Variants in NRXN1 observed in about 807,000 individuals in gnomAD.
The protein encoded by NRXN1 is neurexin 1.
In NRXN1, 39 loss-of-function variants were observed where a neutral mutation model predicts 150.9. The ratio of observed to expected loss-of-function variants is 0.26; its 90% CI spans 0.20 to 0.34. The LOEUF (loss-of-function observed/expected upper bound fraction) is 0.34, where lower values mean the gene tolerates loss of function less well. Among genes scored for constraint, NRXN1 ranks in the 10% least tolerant of loss-of-function variants. NRXN1 has a pLI of 1.00. For synonymous variants in NRXN1, 924 were observed against 757.0 expected (o/e 1.22, Z -3.62); for missense variants, 1,815 against 1,949.9 (o/e 0.93, Z 1.30).
chr2:50,987,284 A>G (rs1261473202), intron 2 of NRXN1, among the ~76,000 whole-genome samples: 3 of 151,966 alleles, frequency 2.0e-5, no homozygotes, highest in African/African-American at 7.2e-5. Flanking sequence ...ATAAAAAAGT[A>G]TTAACAATAA....
intron 22 of NRXN1, among the ~76,000 whole-genome samples, chr2:49,932,197 C>T (rs2104210295): frequency 6.6e-6 from 1 of 152,222 alleles, no homozygotes; most frequent in Middle Eastern, 3.4e-3. Flanking sequence ...AGGAGTATTG[C>T]TTGAAGCCAA....
Position 50,802,947 on chromosome 2 carries a change from G to C in NRXN1, c.832+118922C>G, listed in dbSNP as rs79800061. 7.2e-3 allele frequency among the ~76,000 whole-genome samples: 1,097 copies of C among 152,268 alleles called. 10 individuals are homozygous for C. Among genetic ancestry groups the C allele is most frequent in the African/African-American group, 0.025 (1,040 of 41,566 alleles). ...TTTCTCTGCAGATTTCAGAAGCAGA[G>C]TGACCCTGCCAACATCTTGATTTCA... is the stretch of plus-strand genomic sequence containing the variant. On this transcript the variant is annotated intron_variant, in intron 5 of 22. Coordinates refer to ENST00000401669, the MANE Select transcript of NRXN1 (RefSeq NM_001330078.2).
At chr2:50,095,517 G>A (rs1700100011) in intron 18 of NRXN1, among the ~76,000 whole-genome samples, 1 of 152,064 alleles carries the variant, frequency 6.6e-6, no homozygotes, top group Non-Finnish European at 1.5e-5. Flanking sequence ...TTTCATCAGA[G>A]TATTAATTAT....
chr2:50,495,243 T>C (rs1444298010), intron 15 of NRXN1, among the ~76,000 whole-genome samples: 1 of 152,142 alleles, frequency 6.6e-6, no homozygotes, highest in African/African-American at 2.4e-5. Flanking sequence ...ATTATTGACA[T>C]GTTTTCTCAG....
At position 50,646,689 on chromosome 2, in the gene NRXN1, C is replaced by T. The variant is rs1316040610; in HGVS notation, c.833-23074G>A. 1.3e-4 allele frequency among the ~76,000 whole-genome samples: 19 copies of T among 149,102 alleles called. No homozygotes were observed. In the Admixed American group the frequency reaches 1.3e-3, roughly 10 times the overall value. On this transcript the variant is annotated intron_variant, in intron 5 of 22. Transcript: ENST00000401669. ...CCTCAAACGGTGTAATTTTTCCTGCCTCTGTACTTTCATGTTGTCTTTTTT... is the reference window on the plus strand; with the variant it reads ...CCTCAAACGGTGTAATTTTTCCTGCTTCTGTACTTTCATGTTGTCTTTTTT...
chr2:50,655,758 C>T (rs987209562), intron 5 of NRXN1, among the ~76,000 whole-genome samples: 15 of 151,860 alleles, frequency 9.9e-5, no homozygotes, highest in Admixed American at 3.3e-4. Context: ...ACCACATAAA[C>T]GTAACTAGTG....
chr2:50,860,507 G>A (rs1391131316), intron 5 of NRXN1, among the ~76,000 whole-genome samples: 1 of 152,106 alleles, frequency 6.6e-6, no homozygotes, highest in African/African-American at 2.4e-5. Flanking sequence ...TTTCTGACCA[G>A]GAAAACAACA....
chr2:50,808,274 A>C (rs1433528482), intron 5 of NRXN1, among the ~76,000 whole-genome samples: 2 of 152,158 alleles, frequency 1.3e-5, no homozygotes, highest in African/African-American at 4.8e-5. Flanking sequence ...ATGAAAAATA[A>C]ACCAAATAGC....
chr2:50,305,415 A>G lies in NRXN1; in HGVS notation c.3365-68445T>C, dbSNP rs371046489. Reference sequence around the variant, plus strand: ...TTAATTTTGTAAACATGTTTTTAATATAGTCTTGTAATTCCAATGATGATC... The same window carrying G: ...TTAATTTTGTAAACATGTTTTTAATGTAGTCTTGTAATTCCAATGATGATC... On this transcript the variant is annotated intron_variant, in intron 17 of 22. Coordinates refer to ENST00000401669, the MANE Select transcript of NRXN1 (RefSeq NM_001330078.2). 5.9e-5 allele frequency among the ~76,000 whole-genome samples: 9 copies of G among 152,354 alleles called. No individual in the cohort carries two copies. The East Asian group carries it at 1.5e-3, about 26-fold the overall frequency.
chr2:50,340,244 G>A (rs2077460317), intron 17 of NRXN1, among the ~76,000 whole-genome samples: 1 of 152,186 alleles, frequency 6.6e-6, no homozygotes. Flanking sequence ...TCAAAAGCTT[G>A]AGGGAATGCA....
At chr2:50,163,558 G>C (rs998570899) in intron 18 of NRXN1, among the ~76,000 whole-genome samples, 5 of 152,030 alleles carry the variant, frequency 3.3e-5, no homozygotes, top group Admixed American at 6.6e-5. Flanking sequence ...ATCTGTTTTA[G>C]GTCTTAGCTA....
chr2:50,527,684 G>A (rs1327680384), intron 12 of NRXN1, among the ~76,000 whole-genome samples: 1 of 152,086 alleles, frequency 6.6e-6, no homozygotes, highest in Non-Finnish European at 1.5e-5. Flanking sequence ...ACCTCTATTT[G>A]TTCCTCAGAG....
intron 17 of NRXN1, among the ~76,000 whole-genome samples, chr2:50,426,968 G>C (rs1237470354): frequency 6.6e-6 from 1 of 152,088 alleles, no homozygotes; most frequent in Non-Finnish European, 1.5e-5. Context: ...AGAGATATTT[G>C]GATGTATTTT....
chr2:50,713,403 A>G (rs1196249440), intron 5 of NRXN1, among the ~76,000 whole-genome samples: 2 of 152,138 alleles, frequency 1.3e-5, no homozygotes, highest in African/African-American at 4.8e-5. Context: ...ACACAGGGCA[A>G]ATTTTACCAG....
At chr2:50,290,545 T>C (rs1028500978) in intron 17 of NRXN1, among the ~76,000 whole-genome samples, 1 of 152,156 alleles carries the variant, frequency 6.6e-6, no homozygotes. Context: ...GAGAAAATAA[T>C]GTCTGGAGGA....
At chr2:50,829,756 C>T (rs561621710) in intron 5 of NRXN1, 329 of 1,567,242 alleles carry the variant, frequency 2.1e-4, no homozygotes, top group East Asian at 1.9e-4. Context: ...CGGCATGGCC[C>T]GCTTAAGTGC....
At chr2:50,298,000 T>C (rs1462183368) in intron 17 of NRXN1, among the ~76,000 whole-genome samples, 1 of 152,152 alleles carries the variant, frequency 6.6e-6, no homozygotes, top group Non-Finnish European at 1.5e-5. Context: ...CTTCCTCTTT[T>C]TGTGATCAGC....
chr2:50,354,172 C>A (rs1418345649), intron 17 of NRXN1, among the ~76,000 whole-genome samples: 5 of 152,090 alleles, frequency 3.3e-5, no homozygotes, highest in Non-Finnish European at 7.4e-5. Context: ...TTAAAAACTT[C>A]AAGATGTCTA....
intron 21 of NRXN1, among the ~76,000 whole-genome samples, chr2:50,039,540 G>C (rs1353224609): frequency 6.6e-6 from 1 of 152,106 alleles, no homozygotes; most frequent in Non-Finnish European, 1.5e-5. Flanking sequence ...TTCTCTATTT[G>C]GGCATTAGTT....
Sources: gnomAD v4.1 joint callset for allele counts (sites outside exome capture counted in the v4.1 genomes callset) on GRCh38, gnomAD v4.1.1 for gene constraint, MANE v1.5 for transcripts, NCBI Gene and HGNC (gene_info 2026-07-23, HGNC 2026-07-21) for gene names.